Variants in AKAP12 observed in about 807,000 individuals in gnomAD.
AKAP12 encodes the protein A-kinase anchoring protein 12, also known as A-kinase anchor protein 12.
Under a neutral mutation model 79.9 loss-of-function variants are expected in AKAP12, and 32 were observed. The observed-to-expected ratio is 0.40, with a 90% CI of 0.30 to 0.54. The LOEUF (loss-of-function observed/expected upper bound fraction) is 0.54. Ranked by LOEUF, AKAP12 falls within the 20% of genes least tolerant of loss-of-function variation. The probability of loss-of-function intolerance (pLI) is 0.48; values close to 1 mark genes in which losing one functional copy is unlikely to be tolerated. For synonymous variants in AKAP12, 808 were observed against 857.0 expected (o/e 0.94, Z 1.00); for missense variants, 2,074 against 2,177.0 (o/e 0.95, Z 0.94).
chr6:151,348,243 C>T (rs1036039648), intron 3 of AKAP12: 2 of 385,858 alleles, frequency 5.2e-6, no homozygotes, highest in Non-Finnish European at 1.0e-5. Flanking sequence ...GGGAGAATCA[C>T]TTGAACCTAG....
intron 3 of AKAP12, among the ~76,000 whole-genome samples, chr6:151,337,524 A>AAAAAAAAAAAAAAAAAAAAG (rs535027217): frequency 7.7e-6 from 1 of 129,784 alleles, no homozygotes; most frequent in Non-Finnish European, 1.5e-5. Flanking sequence ...AAAAAAAAAA[A>AAAAAAAAAAAAAAAAAAAAG]AAAGAAAGAA....
intron 2 of AKAP12, among the ~76,000 whole-genome samples, chr6:151,292,366 A>G (rs76854885): frequency 0.043 from 6,561 of 152,326 alleles, 204 homozygotes; most frequent in South Asian, 0.11. Context: ...AAAATCAGCA[A>G]TCAGTTTAAG....
At chr6:151,316,106 T>A (rs939617991) in intron 3 of AKAP12, among the ~76,000 whole-genome samples, 1 of 152,250 alleles carries the variant, frequency 6.6e-6, no homozygotes, top group Non-Finnish European at 1.5e-5. Context: ...TCTGAAGATA[T>A]ATTCTCTGGG....
At chr6:151,339,542 C>G (rs1428089675) in intron 3 of AKAP12, among the ~76,000 whole-genome samples, 1 of 151,866 alleles carries the variant, frequency 6.6e-6, no homozygotes, top group Non-Finnish European at 1.5e-5. Context: ...CATTCCCCAC[C>G]AGAATGGGTC....
At chr6:151,250,943 T>C (rs1469660292) in intron 2 of AKAP12, among the ~76,000 whole-genome samples, 1 of 152,142 alleles carries the variant, frequency 6.6e-6, no homozygotes, top group Non-Finnish European at 1.5e-5. Flanking sequence ...ATACTTATGT[T>C]CTAGATGCTT....
chr6:151,247,305 G>T (rs1197880707), intron 2 of AKAP12, among the ~76,000 whole-genome samples: 1 of 152,058 alleles, frequency 6.6e-6, no homozygotes, highest in Non-Finnish European at 1.5e-5. Context: ...GAAGGCTGAG[G>T]TGAGAGGATT....
At chr6:151,295,996 G>A (rs939728941) in intron 2 of AKAP12, among the ~76,000 whole-genome samples, 2 of 152,184 alleles carry the variant, frequency 1.3e-5, no homozygotes, top group African/African-American at 4.8e-5. Flanking sequence ...TTTTTGGCTT[G>A]TTGGTTTTGT....
chr6:151,311,137 T>C (rs1777091129), intron 3 of AKAP12, among the ~76,000 whole-genome samples: 1 of 152,218 alleles, frequency 6.6e-6, no homozygotes, highest in African/African-American at 2.4e-5. Context: ...CAGATAGTTC[T>C]TTAAAATGCT....
chr6:151,334,116 AAC>A (rs1777750126), intron 3 of AKAP12, among the ~76,000 whole-genome samples: 1 of 152,162 alleles, frequency 6.6e-6, no homozygotes. Flanking sequence ...TACAAAAACA[AAC>A]ACAAAACAAA....
At chr6:151,340,581 G>C (rs1037802301) in intron 3 of AKAP12, among the ~76,000 whole-genome samples, 2 of 151,380 alleles carry the variant, frequency 1.3e-5, no homozygotes, top group Non-Finnish European at 3.0e-5. Flanking sequence ...TAGCCCATAA[G>C]GCTCTGTAAG....
chr6:151,349,294 T>C lies in AKAP12; in HGVS notation c.903T>C (p.Thr301=). Residue 301 remains threonine (T), a synonymous_variant, in exon 4 of 5, where the codon ACT becomes ACC. Transcript: ENST00000402676. The stretch of plus-strand genomic sequence containing the variant: ...GATCAACCTTCAAAAAATTCTTCAC[T>C]CAAGGTTGGGCCGGCTGGCGCAAAA... ...ETGSTFKKFF[T]QGWAGWRKKT... The C allele has an allele frequency of 1.2e-6, 2 of 1,613,546 alleles. No individual in the cohort carries two copies. The highest frequency in any genetic ancestry group is 1.7e-6 in the Non-Finnish European group (2 of 1,179,904).
chr6:151,242,621 C>T (rs1441914072), intron 2 of AKAP12, among the ~76,000 whole-genome samples: 1 of 152,224 alleles, frequency 6.6e-6, no homozygotes, highest in Non-Finnish European at 1.5e-5. Flanking sequence ...AATGACTCAG[C>T]ACCATGGCCC....
At chr6:151,286,254 G>C (rs1776502544) in intron 2 of AKAP12, among the ~76,000 whole-genome samples, 1 of 152,180 alleles carries the variant, frequency 6.6e-6, no homozygotes, top group African/African-American at 2.4e-5. Flanking sequence ...TTTTCCTGCA[G>C]AAGCAAACTT....
intron 3 of AKAP12, among the ~76,000 whole-genome samples, chr6:151,310,279 C>T (rs1777063842): frequency 6.6e-6 from 1 of 152,054 alleles, no homozygotes; most frequent in Non-Finnish European, 1.5e-5. Flanking sequence ...GCAGGAGAAT[C>T]GCTTGAACCC....
chr6:151,348,108 G>A (rs1778154850), intron 3 of AKAP12, among the ~76,000 whole-genome samples: 1 of 151,554 alleles, frequency 6.6e-6, no homozygotes, highest in Admixed American at 6.6e-5. Context: ...AGCCACGATC[G>A]TGCCTCTGCA....
At chr6:151,332,456 A>G (rs1777701153) in intron 3 of AKAP12, among the ~76,000 whole-genome samples, 1 of 152,146 alleles carries the variant, frequency 6.6e-6, no homozygotes, top group Non-Finnish European at 1.5e-5. Flanking sequence ...TATCTTTTCC[A>G]AGTAATGTTT....
chr6:151,254,765 T>C (rs1797258988), intron 2 of AKAP12, among the ~76,000 whole-genome samples: 1 of 152,220 alleles, frequency 6.6e-6, no homozygotes, highest in Non-Finnish European at 1.5e-5. Context: ...TGTCCTAAAC[T>C]GAGAATCTGG....
intron 2 of AKAP12, chr6:151,298,792 TC>T (rs1776792182): frequency 7.4e-6 from 1 of 135,902 alleles, no homozygotes; most frequent in African/African-American, 2.9e-5. Context: ...TGAGACTCCA[TC>T]TCAAAAAAAA....
At chr6:151,261,619 T>A (rs1797436680) in intron 2 of AKAP12, among the ~76,000 whole-genome samples, 1 of 151,652 alleles carries the variant, frequency 6.6e-6, no homozygotes, top group Admixed American at 6.6e-5. Context: ...GAGAATCACT[T>A]GAACCCGGGA....
Sources: allele counts gnomAD v4.1 joint callset (sites outside exome capture counted in the v4.1 genomes callset), GRCh38; gene constraint gnomAD v4.1.1; transcripts MANE v1.5; gene names NCBI Gene and HGNC (gene_info 2026-07-23, HGNC 2026-07-21).